SGCZ: variants seen among roughly 807,000 people sequenced by gnomAD.
The protein encoded by SGCZ is zeta-sarcoglycan.
Under a neutral mutation model 41.3 loss-of-function variants are expected in SGCZ, and 40 were observed. The observed-to-expected ratio is 0.97, with a 90% CI of 0.75 to 1.26. The LOEUF (loss-of-function observed/expected upper bound fraction) is 1.26. SGCZ is among the 50% of genes most tolerant of loss of function. The pLI, the probability that SGCZ is intolerant of heterozygous loss-of-function variation, is 0.00. For missense variants in SGCZ, 552 were observed against 369.8 expected (o/e 1.49, Z -4.04); for synonymous variants, 206 against 137.5 (o/e 1.50, Z -3.49).
intron 1 of SGCZ, among the ~76,000 whole-genome samples, chr8:14,619,218 AG>A (rs202182554): frequency 0.14 from 21,462 of 152,174 alleles, 1,849 homozygotes; most frequent in Non-Finnish European, 0.19. Flanking sequence ...GATGCAGAAA[AG>A]GCCTTTGACA....
At chr8:15,212,536 T>C (rs1801266040) in intron 1 of SGCZ, among the ~76,000 whole-genome samples, 1 of 152,160 alleles carries the variant, frequency 6.6e-6, no homozygotes. Context: ...ATTTGCCACT[T>C]TCTAACCATT....
chr8:15,192,592 C>G (rs942822873), intron 1 of SGCZ, among the ~76,000 whole-genome samples: 1 of 152,144 alleles, frequency 6.6e-6, no homozygotes, highest in Non-Finnish European at 1.5e-5. Flanking sequence ...CCACTAACGA[C>G]TAATCCAAAG....
intron 2 of SGCZ, among the ~76,000 whole-genome samples, chr8:14,420,953 A>G (rs1235725129): frequency 3.3e-5 from 5 of 152,112 alleles, no homozygotes; most frequent in Non-Finnish European, 7.4e-5. Context: ...CCACTTTACA[A>G]TATGTCTTTA....
intron 5 of SGCZ, among the ~76,000 whole-genome samples, chr8:14,148,310 T>G (rs1396727631): frequency 6.6e-6 from 1 of 151,034 alleles, no homozygotes; most frequent in Non-Finnish European, 1.5e-5. Flanking sequence ...TTAGCCAAAC[T>G]AAGAAAAAAA....
chr8:14,291,926 C>G (rs971369393), intron 3 of SGCZ, among the ~76,000 whole-genome samples: 5 of 151,872 alleles, frequency 3.3e-5, no homozygotes, highest in South Asian at 2.1e-4. Context: ...TGTCTAAAAG[C>G]CCCAACTACT....
intron 1 of SGCZ, among the ~76,000 whole-genome samples, chr8:15,155,043 G>C (rs1372540050): frequency 1.3e-5 from 2 of 152,200 alleles, no homozygotes; most frequent in Non-Finnish European, 2.9e-5. Flanking sequence ...TGAGATCCCA[G>C]CACTTTGGGA....
intron 1 of SGCZ, among the ~76,000 whole-genome samples, chr8:14,580,552 A>G (rs982550266): frequency 6.6e-6 from 1 of 152,198 alleles, no homozygotes; most frequent in African/African-American, 2.4e-5. Flanking sequence ...AAACAAATAA[A>G]TTGTAATAGA....
chr8:15,155,985 G>A (rs922251874), intron 1 of SGCZ, among the ~76,000 whole-genome samples: 6 of 149,686 alleles, frequency 4.0e-5, no homozygotes, highest in African/African-American at 1.5e-4. Context: ...TTGAACTTGG[G>A]AGGCAGAGGT....
At chr8:15,174,211 TC>T (rs1379114772) in intron 1 of SGCZ, among the ~76,000 whole-genome samples, 1 of 152,144 alleles carries the variant, frequency 6.6e-6, no homozygotes, top group East Asian at 1.9e-4. Flanking sequence ...CTAGCGAAAC[TC>T]ACCAGCAACT....
chr8:15,013,802 T>C (rs1270990190), intron 1 of SGCZ, among the ~76,000 whole-genome samples: 2 of 152,150 alleles, frequency 1.3e-5, no homozygotes, highest in African/African-American at 2.4e-5. Context: ...AAAACACACA[T>C]ACATTTTACA....
intron 1 of SGCZ, among the ~76,000 whole-genome samples, chr8:15,180,870 G>A (rs1333173115): frequency 2.0e-5 from 3 of 150,300 alleles, no homozygotes; most frequent in Non-Finnish European, 4.4e-5. Flanking sequence ...CTGGGCAACA[G>A]AGCGAGACTC....
At chr8:14,283,556 G>A (rs569608005) in intron 3 of SGCZ, among the ~76,000 whole-genome samples, 3 of 152,224 alleles carry the variant, frequency 2.0e-5, no homozygotes, top group East Asian at 1.9e-4. Flanking sequence ...GAGAGTACTT[G>A]GGGTGTACAG....
Position 14,135,619 on chromosome 8 carries a change from C to CTGAA in SGCZ, c.548-27388_548-27385dup, listed in dbSNP as rs1412333034. On this transcript the variant is annotated intron_variant, in intron 5 of 7. Transcript: ENST00000382080. ...ACTCAATCGACATGAAATAAACAATCTGAATAGTCCTGTAACTGTTAAAGA... is the reference window on the plus strand; with the variant it reads ...ACTCAATCGACATGAAATAAACAATCTGAATGAATAGTCCTGTAACTGTTAAAGA... Among the ~76,000 whole-genome samples, 3 of 152,122 alleles carry CTGAA rather than the reference C, an allele frequency of 2.0e-5. No individual in the cohort carries two copies. The East Asian group carries it at 5.8e-4, about 29-fold the overall frequency.
At chr8:14,610,781 G>C (rs780367269) in intron 1 of SGCZ, among the ~76,000 whole-genome samples, 1 of 152,172 alleles carries the variant, frequency 6.6e-6, no homozygotes, top group Non-Finnish European at 1.5e-5. Flanking sequence ...AAACGTGAAG[G>C]AATTAATAGG....
intron 2 of SGCZ, among the ~76,000 whole-genome samples, chr8:14,552,706 A>G (rs1803909124): frequency 6.6e-6 from 1 of 152,054 alleles, no homozygotes; most frequent in Admixed American, 6.6e-5. Context: ...GACTGTGTCA[A>G]TGATTTAACA....
intron 1 of SGCZ, among the ~76,000 whole-genome samples, chr8:14,626,755 T>C (rs1806473182): frequency 2.0e-5 from 3 of 152,160 alleles, no homozygotes; most frequent in South Asian, 2.1e-4. Context: ...AAAGAGATCC[T>C]TCCTCACAGC....
chr8:14,629,437 A>G (rs1306633011), intron 1 of SGCZ, among the ~76,000 whole-genome samples: 2 of 152,306 alleles, frequency 1.3e-5, no homozygotes, highest in African/African-American at 4.8e-5. Context: ...ATAATGTACA[A>G]ACAGATCCAT....
chr8:14,902,705 C>T (rs1482779086), intron 1 of SGCZ, among the ~76,000 whole-genome samples: 1 of 152,008 alleles, frequency 6.6e-6, no homozygotes, highest in African/African-American at 2.4e-5. Flanking sequence ...ATAAATATCA[C>T]AAAACAAACA....
chr8:14,150,664 A>C (rs1490497387), intron 5 of SGCZ, among the ~76,000 whole-genome samples: 1 of 152,144 alleles, frequency 6.6e-6, no homozygotes, highest in Non-Finnish European at 1.5e-5. Context: ...CAGCAATCCT[A>C]CTGCTGGGTG....
Sources: gnomAD v4.1 joint callset for allele counts (sites outside exome capture counted in the v4.1 genomes callset) on GRCh38, gnomAD v4.1.1 for gene constraint, MANE v1.5 for transcripts, NCBI Gene and HGNC (gene_info 2026-07-23, HGNC 2026-07-21) for gene names.